The following ANKRD11 variants were observed in gnomAD, a reference collection of about 807,000 sequenced individuals.
ANKRD11 encodes ankyrin repeat domain 11.
Under a neutral mutation model 195.7 loss-of-function variants are expected in ANKRD11, and 17 were observed. The observed-to-expected ratio is 0.09, with a 90% CI of 0.06 to 0.13. The LOEUF (loss-of-function observed/expected upper bound fraction) is 0.13. ANKRD11 is among the 10% of genes least tolerant of loss of function. ANKRD11 has a pLI of 1.00. For synonymous variants in ANKRD11, 1,953 were observed against 1,528.1 expected, an observed-to-expected ratio of 1.28 and a Z score of -6.49; for missense variants, 3,735 against 3,566.1, an observed-to-expected ratio of 1.05 and a Z score of -1.21.
rs2911261 is a variant in ANKRD11, at chr16:89,448,232, T to A, written c.-144-29864A>T. The stretch of plus-strand genomic sequence containing the variant: ...ACTGGGCACAGGAATTCAGTAAGAC[T>A]GATAGGTGATGTTTTTAGTTAGGGA... On this transcript the variant is annotated intron_variant, in intron 1 of 12. Transcript: ENST00000301030. Among the ~76,000 whole-genome samples, 502 of 146,612 alleles carry A rather than the reference T, an allele frequency of 3.4e-3. 3 individuals are homozygous for A. The highest frequency in any genetic ancestry group is 0.011 in the African/African-American group (471 of 41,264).
intron 3 of ANKRD11, among the ~76,000 whole-genome samples, chr16:89,307,037 C>T (rs891608375): frequency 3.3e-5 from 5 of 150,302 alleles, no homozygotes; most frequent in African/African-American, 4.9e-5. Flanking sequence ...ACACACACAG[C>T]GCTCGGGACG....
At chr16:89,273,042 A>AC (rs2033310139) in intron 11 of ANKRD11, 1 of 93,970 alleles carries the variant, frequency 1.1e-5, no homozygotes. Flanking sequence ...GTTAATGGGT[A>AC]CCAAAAAAAA....
At chr16:89,290,873 C>A in intron 5 of ANKRD11, 45 bp from the exon 6 acceptor site, 2 of 1,611,244 alleles carry the variant, frequency 1.2e-6, no homozygotes, top group South Asian at 1.1e-5. Context: ...GTGGGGTGGT[C>A]CTGCTTTGTC....
chr16:89,467,304 T>C (rs1346858251), intron 1 of ANKRD11, among the ~76,000 whole-genome samples: 1 of 150,992 alleles, frequency 6.6e-6, no homozygotes, highest in African/African-American at 2.4e-5. Context: ...TGGCTGGGTA[T>C]GGTGGCACGC....
intron 2 of ANKRD11, among the ~76,000 whole-genome samples, chr16:89,392,990 A>G (rs1163991969): frequency 6.6e-6 from 1 of 151,922 alleles, no homozygotes; most frequent in Non-Finnish European, 1.5e-5. Context: ...TTCCTTTTCT[A>G]AACTCCAGCC....
rs1232258259 is a variant in ANKRD11, at chr16:89,281,927, C to T, written c.4615G>A (p.Glu1539Lys). The T allele has an allele frequency of 1.2e-6, 2 of 1,613,246 alleles. No individual in the cohort carries two copies. The highest frequency in any genetic ancestry group is 2.2e-5 in the South Asian group (2 of 91,084). ...KLKEKFKDGA[E>K]KEKGDPVKMS... ...TTCACTGGGTCGCCCTTTTCTTTCT[C>T]TGCACCGTCCTTGAATTTCTCCTTC... The change falls in exon 9 of 13, where the codon GAG becomes AAG. Residue 1539 changes from glutamate to lysine, a missense_variant. By Grantham distance (56) the Glu-to-Lys change is moderately conservative. Transcript: ENST00000301030. This position sits in a 1 kb window ranked among gnomAD's most constrained non-coding sequence, Gnocchi z 5.5.
chr16:89,467,743 C>A (rs574627561), intron 1 of ANKRD11, among the ~76,000 whole-genome samples: 1 of 152,250 alleles, frequency 6.6e-6, no homozygotes, highest in African/African-American at 2.4e-5. Context: ...GTAAGACATA[C>A]TGCATATGTT....
At chr16:89,441,609 T>C (rs373677762) in intron 1 of ANKRD11, among the ~76,000 whole-genome samples, 4 of 150,750 alleles carry the variant, frequency 2.7e-5, no homozygotes, top group Admixed American at 6.6e-5. Context: ...CTACTAAAAA[T>C]ACAAAAAATT....
At chr16:89,486,190 G>A (rs1450746113) in intron 1 of ANKRD11, among the ~76,000 whole-genome samples, 2 of 152,148 alleles carry the variant, frequency 1.3e-5, no homozygotes, top group East Asian at 1.9e-4. Flanking sequence ...AGTGGCTCAT[G>A]CCTATAATCC....
At position 89,291,952 on chromosome 16, in the gene ANKRD11, C is replaced by T. The variant is rs1279942703; in HGVS notation, c.227-769G>A. ...TTTTAAAAGAGGCAGGAGGCAGGGG[C>T]GGGGAAGAGAAGACCCCAAGCACCA... is the stretch of plus-strand genomic sequence containing the variant. On this transcript the variant is annotated intron_variant, in intron 4 of 12. Coordinates refer to ENST00000301030, the MANE Select transcript of ANKRD11 (RefSeq NM_013275.6). The surrounding 1 kb of genome is among the most constrained non-coding windows in gnomAD (Gnocchi z 5.3). 1.3e-5 allele frequency among the ~76,000 whole-genome samples: 2 copies of T among 152,146 alleles called. No individual in the cohort carries two copies. The highest frequency in any genetic ancestry group is 1.9e-4 in the East Asian group (1 of 5,186).
chr16:89,286,934 T>C (rs1179804331), intron 7 of ANKRD11: 30 of 1,289,594 alleles, frequency 2.3e-5, no homozygotes, highest in Non-Finnish European at 2.8e-5. Context: ...TATAGACTCT[T>C]GTCGCCCACA....
In ANKRD11 at chr16:89,406,109, C is replaced by CAA. The variant is rs1232899595; in HGVS notation, c.-60+12173_-60+12174dup. ...TGGGTGACAAAGGGAGATTCCATCT[C>CAA]AAAAAAAAAAAAAAAAAAAACCTTC... On this transcript the variant is annotated intron_variant, in intron 2 of 12. Transcript: ENST00000301030. Among the ~76,000 whole-genome samples, 420 of 49,484 alleles carry CAA rather than the reference C, an allele frequency of 8.5e-3. 2 individuals are homozygous for CAA. The highest frequency in any genetic ancestry group is 0.024 in the African/African-American group (382 of 15,636). 32.5% of individuals were successfully genotyped at this position (49,484 alleles called of 152,430 possible).
At chr16:89,286,366 G>A in intron 7 of ANKRD11, 180 bp from the exon 8 acceptor site, 2 of 886,054 alleles carry the variant, frequency 2.3e-6, no homozygotes, top group East Asian at 5.3e-5. Context: ...TGGGTGTGGT[G>A]GGCGAGGCTG....
chr16:89,329,470 G>A (rs1483432847), intron 2 of ANKRD11, among the ~76,000 whole-genome samples: 1 of 152,216 alleles, frequency 6.6e-6, no homozygotes, highest in Non-Finnish European at 1.5e-5. Context: ...TATACTTTTA[G>A]GTGATGGTGT....
intron 2 of ANKRD11, among the ~76,000 whole-genome samples, chr16:89,350,048 C>T (rs1195636199): frequency 6.6e-6 from 1 of 152,148 alleles, no homozygotes; most frequent in Non-Finnish European, 1.5e-5. Flanking sequence ...TTCACCAAAG[C>T]AAATACATGG....
intron 4 of ANKRD11, chr16:89,299,703 T>G (rs1180853465): frequency 5.1e-6 from 1 of 195,142 alleles, no homozygotes; most frequent in African/African-American, 3.0e-5. Flanking sequence ...ATGCCTGCCC[T>G]GTGTGGGGTG....
chr16:89,337,007 CAAAAAAAA>C (rs60248736), intron 2 of ANKRD11, among the ~76,000 whole-genome samples: 182 of 47,746 alleles, frequency 3.8e-3, no homozygotes, highest in African/African-American at 0.011. Flanking sequence ...CTGGCTCTAC[CAAAAAAAA>C]AAAAAAAAAA....
chr16:89,357,913 T>G (rs914010951), intron 2 of ANKRD11, among the ~76,000 whole-genome samples: 1 of 152,232 alleles, frequency 6.6e-6, no homozygotes, highest in African/African-American at 2.4e-5. Flanking sequence ...TATTGAACAC[T>G]GGGATGAAAG....
At chr16:89,469,725 C>T (rs548794754) in intron 1 of ANKRD11, among the ~76,000 whole-genome samples, 55 of 150,070 alleles carry the variant, frequency 3.7e-4, no homozygotes, top group Non-Finnish European at 6.5e-4. Context: ...GGTGAAACCC[C>T]GTCTCTACTA....
Sources: gnomAD v4.1 joint callset for allele counts (sites outside exome capture counted in the v4.1 genomes callset) on GRCh38, gnomAD v4.1.1 for gene constraint, Gnocchi (gnomAD v3.1) non-coding constraint, MANE v1.5 for transcripts, NCBI Gene and HGNC (gene_info 2026-07-23, HGNC 2026-07-21) for gene names.